FAT3: variants seen among roughly 807,000 people sequenced by gnomAD.
FAT3 encodes protocadherin Fat 3.
FAT3 carries 95 observed loss-of-function variants against 310.2 expected under a neutral mutation model. That is an observed-to-expected ratio of 0.31 (90% confidence interval 0.26 to 0.36). The LOEUF is 0.36. FAT3 is among the 10% of genes least tolerant of loss of function. FAT3 has a pLI of 1.00. For missense variants in FAT3, 5,408 were observed against 5,715.6 expected, an observed-to-expected ratio of 0.95 and a Z score of 1.74; for synonymous variants, 2,314 against 2,192.9, an observed-to-expected ratio of 1.06 and a Z score of -1.54.
intron 1 of FAT3, among the ~76,000 whole-genome samples, chr11:92,319,421 T>G (rs772782476): frequency 5.9e-5 from 9 of 152,098 alleles, no homozygotes; most frequent in Non-Finnish European, 1.2e-4. Flanking sequence ...TCAAACATTT[T>G]TTGGTAGCCC....
chr11:92,653,853 C>T (rs750653660), intron 3 of FAT3, among the ~76,000 whole-genome samples: 1 of 152,130 alleles, frequency 6.6e-6, no homozygotes, highest in African/African-American at 2.4e-5. Flanking sequence ...TGTGCTGTCA[C>T]TAAAGCAGGG....
chr11:92,400,702 C>T (rs565243295), intron 2 of FAT3: 1 of 151,136 alleles, frequency 6.6e-6, no homozygotes, highest in African/African-American at 2.4e-5. Flanking sequence ...ACAGGGTAAG[C>T]CACCTAAATA....
Position 92,894,277 on chromosome 11 carries a change from A to G in FAT3, c.*3164A>G, listed in dbSNP as rs532283414. Reference sequence around the variant, plus strand: ...TGAATGTTTGTATAATAGGGATGAAATGATAATTACAGAGTTCAGCTCAGA... The same window carrying G: ...TGAATGTTTGTATAATAGGGATGAAGTGATAATTACAGAGTTCAGCTCAGA... On this transcript the variant is annotated 3_prime_UTR_variant, in exon 28 of 28. Transcript: ENST00000525166. 17 of 152,338 alleles carry G rather than the reference A, an allele frequency of 1.1e-4. No individual in the cohort carries two copies. In the East Asian group the frequency reaches 2.7e-3, roughly 24 times the overall value. The allele number at this position is 152,338 out of a possible 1,614,324, so 9.4% of individuals were successfully genotyped here. A position where few individuals can be genotyped will look rare whatever the true frequency, so the allele number is the denominator to read the frequency against.
intron 2 of FAT3, among the ~76,000 whole-genome samples, chr11:92,395,932 CT>C (rs1331401916): frequency 6.6e-6 from 1 of 151,966 alleles, no homozygotes; most frequent in African/African-American, 2.4e-5. Flanking sequence ...CTTTTTTCTC[CT>C]TCTATGTTAA....
Position 92,889,238 on chromosome 11 carries a change from A to G in FAT3, c.13101A>G (p.Ile4367Met). Residue 4367 changes from isoleucine to methionine, a missense_variant, in exon 26 of 28, where the codon ATA becomes ATG. This residue lies in a region of FAT3 where 649 missense variants were observed against 666.2 expected (regional missense o/e 0.97). Coordinates refer to ENST00000525166, the MANE Select transcript of FAT3 (RefSeq NM_001367949.2). ...TTGTCAACAATGTAGTTGACACTAT[A>G]GAGAATGAAGGTATTTACTTTTTTT... The part of the protein sequence containing the change: ...IQLVNNVVDT[I>M]ENEVSVMDQG... 1.4e-6 allele frequency: 1 copy of G among 711,592 alleles called. No homozygotes were observed. 44.1% of individuals were successfully genotyped at this position (711,592 alleles called of 1,614,324 possible). A position where few individuals can be genotyped will look rare whatever the true frequency, so the allele number is the denominator to read the frequency against.
intron 3 of FAT3, among the ~76,000 whole-genome samples, chr11:92,534,833 A>G (rs1954199989): frequency 2.0e-5 from 3 of 152,240 alleles, no homozygotes; most frequent in South Asian, 4.1e-4. Context: ...CTGAAGCCAC[A>G]TAAGACAGAG....
chr11:92,815,503 G>T (rs1324101537), intron 13 of FAT3, among the ~76,000 whole-genome samples: 1 of 152,048 alleles, frequency 6.6e-6, no homozygotes, highest in Non-Finnish European at 1.5e-5. Context: ...AACCCAGAAG[G>T]CAGAGCTTGC....
Position 92,673,406 on chromosome 11 carries a change from A to G in FAT3, c.3608-23978A>G, listed in dbSNP as rs189325674. ...TATCATGGGCTACATTGTATTAGAT[A>G]GTGAGAATATAGCTGTTTTAGATAA... On this transcript the variant is annotated intron_variant, in intron 3 of 27. Coordinates refer to ENST00000525166, the MANE Select transcript of FAT3 (RefSeq NM_001367949.2). 3.9e-5 allele frequency among the ~76,000 whole-genome samples: 6 copies of G among 152,344 alleles called. No individual in the cohort carries two copies. The East Asian group carries it at 1.2e-3, about 29-fold the overall frequency.
At chr11:92,328,236 C>G (rs559420155) in intron 1 of FAT3, among the ~76,000 whole-genome samples, 3 of 152,148 alleles carry the variant, frequency 2.0e-5, no homozygotes, top group African/African-American at 4.8e-5. Context: ...ACTCTGAACA[C>G]GAAATCATAC....
At position 92,511,775 on chromosome 11, in the gene FAT3, G is replaced by A. The variant is rs570075423; in HGVS notation, c.3293-12859G>A. Among the ~76,000 whole-genome samples the A allele has an allele frequency of 2.0e-5, 3 of 152,218 alleles. 1 individual carries two copies. In the South Asian group the frequency reaches 6.2e-4, roughly 32 times the overall value. On this transcript the variant is annotated intron_variant, in intron 2 of 27. Coordinates refer to ENST00000525166, the MANE Select transcript of FAT3 (RefSeq NM_001367949.2). Reference sequence around the variant, plus strand: ...ATGTGCACAAAAGCAAAGGAGTGATGGATATTAAAGGAAGAGTTGGCCCTC... The same window carrying A: ...ATGTGCACAAAAGCAAAGGAGTGATAGATATTAAAGGAAGAGTTGGCCCTC...
chr11:92,407,186 T>C (rs978684248), intron 2 of FAT3, among the ~76,000 whole-genome samples: 17 of 152,294 alleles, frequency 1.1e-4, no homozygotes, highest in African/African-American at 4.1e-4. Context: ...GGGGGCAAAC[T>C]ATGTTAACAA....
intron 4 of FAT3, among the ~76,000 whole-genome samples, chr11:92,697,828 C>T (rs1943985646): frequency 6.6e-6 from 1 of 152,160 alleles, no homozygotes; most frequent in Admixed American, 6.5e-5. Flanking sequence ...TTGCTTTCCT[C>T]TTTTCTTTTC....
chr11:92,800,749 G>A lies in FAT3; in HGVS notation c.7736G>A (p.Gly2579Glu), dbSNP rs750816094. 6.2e-7 allele frequency: 1 copy of A among 1,613,924 alleles called. No individual in the cohort carries two copies. The highest frequency in any genetic ancestry group is 8.5e-7 in the Non-Finnish European group (1 of 1,179,886). Residue 2579 changes from glycine (G) to glutamate (E), a missense_variant, in exon 10 of 28, where the codon GGG (glycine) becomes GAG (glutamate). Transcript: ENST00000525166. ...TTTGTGAGGGCCCTTGATGGTGGAGGGAGAACAACTTTCTGCACTGTGAGA... is the reference window on the plus strand; with the variant it reads ...TTTGTGAGGGCCCTTGATGGTGGAGAGAGAACAACTTTCTGCACTGTGAGA... ...SIFVRALDGG[G>E]RTTFCTVRVI...
chr11:92,461,180 A>G (rs1214331623), intron 2 of FAT3, among the ~76,000 whole-genome samples: 1 of 152,196 alleles, frequency 6.6e-6, no homozygotes, highest in African/African-American at 2.4e-5. Flanking sequence ...CTTAAACTTT[A>G]TATCCCTAGT....
At chr11:92,669,806 A>G (rs966810585) in intron 3 of FAT3, among the ~76,000 whole-genome samples, 1 of 152,180 alleles carries the variant, frequency 6.6e-6, no homozygotes, top group African/African-American at 2.4e-5. Context: ...CTCCTAATCC[A>G]TAAAATGGGA....
At chr11:92,848,490 A>C (rs1208811596) in intron 19 of FAT3, among the ~76,000 whole-genome samples, 3 of 152,192 alleles carry the variant, frequency 2.0e-5, no homozygotes, top group Non-Finnish European at 4.4e-5. Context: ...ACGGCAGCCT[A>C]TGGGGCCTTG....
intron 3 of FAT3, among the ~76,000 whole-genome samples, chr11:92,680,382 T>A (rs1197395059): frequency 6.6e-6 from 1 of 152,218 alleles, no homozygotes; most frequent in African/African-American, 2.4e-5. Flanking sequence ...TCTCAATGTA[T>A]GTTCTTGTCA....
intron 3 of FAT3, among the ~76,000 whole-genome samples, chr11:92,692,697 C>T (rs1003736796): frequency 7.2e-5 from 11 of 152,134 alleles, no homozygotes; most frequent in Admixed American, 5.2e-4. Context: ...TACCAGATAG[C>T]TGGGTACAGA....
chr11:92,874,739 AT>A (rs1449455300), intron 22 of FAT3, among the ~76,000 whole-genome samples: 5 of 152,232 alleles, frequency 3.3e-5, no homozygotes, highest in African/African-American at 9.6e-5. Context: ...GGGTTTCACC[AT>A]ATTGGTCAGG....
Sources: gnomAD v4.1 joint callset for allele counts (sites outside exome capture counted in the v4.1 genomes callset) on GRCh38, gnomAD v4.1.1 for gene constraint, gnomAD v4.1.1 regional missense constraint, MANE v1.5 for transcripts, NCBI Gene and HGNC (gene_info 2026-07-23, HGNC 2026-07-21) for gene names.